Variants in STXBP6 observed in about 807,000 individuals in gnomAD.
STXBP6 encodes syntaxin-binding protein 6.
STXBP6 carries 21 observed loss-of-function variants against 26.9 expected under a neutral mutation model. The observed-to-expected ratio is 0.78, with a 90% confidence interval of 0.55 to 1.12. The LOEUF is 1.12. Ranked by LOEUF, STXBP6 falls within the 50% of genes most tolerant of loss-of-function variation. STXBP6 has a pLI of 0.00. For synonymous variants in STXBP6, 97 were observed against 92.6 expected (o/e 1.05, Z -0.27); for missense variants, 232 against 257.9 (o/e 0.90, Z 0.69).
intron 1 of STXBP6, among the ~76,000 whole-genome samples, chr14:24,999,293 A>G (rs1014930621): frequency 6.6e-6 from 1 of 152,214 alleles, no homozygotes; most frequent in African/African-American, 2.4e-5. Context: ...TAAAGAAGCC[A>G]GAAGGAAAAG....
At chr14:24,821,413 T>C (rs2068128778) in intron 4 of STXBP6, among the ~76,000 whole-genome samples, 1 of 152,226 alleles carries the variant, frequency 6.6e-6, no homozygotes, top group Non-Finnish European at 1.5e-5. Flanking sequence ...TTGCACGTGA[T>C]GTCAGGTAAC....
intron 2 of STXBP6, among the ~76,000 whole-genome samples, chr14:24,946,422 C>A (rs1352460146): frequency 6.6e-6 from 1 of 151,974 alleles, no homozygotes; most frequent in African/African-American, 2.4e-5. Flanking sequence ...AAACCAAAAG[C>A]AAGTGGTGGG....
At chr14:24,882,009 A>T (rs1364435764) in intron 2 of STXBP6, among the ~76,000 whole-genome samples, 2 of 152,026 alleles carry the variant, frequency 1.3e-5, no homozygotes, top group Admixed American at 1.3e-4. Context: ...TCACTATCAC[A>T]TCTTAACCTA....
chr14:24,883,711 TAGTC>T (rs1314406660), intron 2 of STXBP6, among the ~76,000 whole-genome samples: 1 of 152,128 alleles, frequency 6.6e-6, no homozygotes, highest in Non-Finnish European at 1.5e-5. Flanking sequence ...GGGCTGGAAT[TAGTC>T]AGTAGAGTTT....
chr14:24,870,452 A>C (rs895566420), intron 2 of STXBP6, among the ~76,000 whole-genome samples: 2 of 152,180 alleles, frequency 1.3e-5, no homozygotes, highest in Non-Finnish European at 2.9e-5. Context: ...CTATGTAATC[A>C]AGGTAATACA....
chr14:24,922,503 A>G (rs2072017856), intron 2 of STXBP6, among the ~76,000 whole-genome samples: 1 of 152,216 alleles, frequency 6.6e-6, no homozygotes, highest in Admixed American at 6.5e-5. Flanking sequence ...TCATCTCTGT[A>G]AAGATAACCT....
intron 1 of STXBP6, among the ~76,000 whole-genome samples, chr14:25,030,224 C>T (rs1026243834): frequency 2.0e-5 from 3 of 152,158 alleles, no homozygotes; most frequent in Middle Eastern, 3.2e-3. Context: ...GGTGACTAGG[C>T]CTAGCCCCCA....
chr14:24,878,142 A>G (rs1215398170), intron 2 of STXBP6, among the ~76,000 whole-genome samples: 1 of 152,018 alleles, frequency 6.6e-6, no homozygotes, highest in African/African-American at 2.4e-5. Context: ...TGATTTGAGT[A>G]TTCTCCCAGT....
chr14:25,042,365 G>A (rs1052281540), intron 1 of STXBP6, among the ~76,000 whole-genome samples: 2 of 152,196 alleles, frequency 1.3e-5, no homozygotes, highest in African/African-American at 4.8e-5. Context: ...AGCAGAGGCT[G>A]GTGAGGGCAA....
intron 2 of STXBP6, among the ~76,000 whole-genome samples, chr14:24,865,856 G>C (rs1216912061): frequency 1.3e-5 from 2 of 152,124 alleles, no homozygotes; most frequent in African/African-American, 4.8e-5. Context: ...TGGGAGAAAT[G>C]AAAGTGAACT....
chr14:24,944,842 G>GA (rs1322857645), intron 2 of STXBP6, among the ~76,000 whole-genome samples: 1 of 152,032 alleles, frequency 6.6e-6, no homozygotes, highest in Non-Finnish European at 1.5e-5. Context: ...TGAGCATGGG[G>GA]AGTTTGTTTG....
intron 4 of STXBP6, among the ~76,000 whole-genome samples, chr14:24,825,601 G>A (rs1421239936): frequency 6.6e-6 from 1 of 152,178 alleles, no homozygotes; most frequent in African/African-American, 2.4e-5. Flanking sequence ...TCTTCTTTTG[G>A]CATTGTGAAG....
intron 4 of STXBP6, 110 bp from the exon 5 acceptor site, chr14:24,819,304 G>T: frequency 7.8e-7 from 1 of 1,280,532 alleles, no homozygotes; most frequent in Non-Finnish European, 1.1e-6. Context: ...ACTGCAGAAA[G>T]GCCGCTCGTC....
intron 2 of STXBP6, among the ~76,000 whole-genome samples, chr14:24,940,095 G>C (rs999717440): frequency 3.9e-5 from 6 of 152,202 alleles, no homozygotes; most frequent in Non-Finnish European, 8.8e-5. Context: ...ATAAAGCTGA[G>C]AGAGCAATGT....
chr14:24,853,107 T>G (rs192111497), intron 4 of STXBP6, among the ~76,000 whole-genome samples: 2 of 152,234 alleles, frequency 1.3e-5, no homozygotes, highest in East Asian at 3.9e-4. Context: ...AAAACTATCC[T>G]ATTGCATGGT....
chr14:24,938,778 A>G (rs1348534587), intron 2 of STXBP6, among the ~76,000 whole-genome samples: 1 of 152,202 alleles, frequency 6.6e-6, no homozygotes, highest in East Asian at 1.9e-4. Context: ...CTAAGCTTTC[A>G]AGAGGATCTT....
At chr14:24,840,784 G>T (rs762512167) in intron 4 of STXBP6, among the ~76,000 whole-genome samples, 2 of 151,872 alleles carry the variant, frequency 1.3e-5, no homozygotes, top group Non-Finnish European at 2.9e-5. Context: ...AAGAAAAGAG[G>T]TGACTATCCT....
chr14:25,012,186 A>G (rs1228710015), intron 1 of STXBP6, among the ~76,000 whole-genome samples: 1 of 152,218 alleles, frequency 6.6e-6, no homozygotes, highest in Non-Finnish European at 1.5e-5. Context: ...TAAGGCCACA[A>G]GTGATTATAT....
intron 2 of STXBP6, among the ~76,000 whole-genome samples, chr14:24,957,807 A>G (rs1163327945): frequency 2.0e-5 from 3 of 152,196 alleles, no homozygotes; most frequent in Non-Finnish European, 2.9e-5. Flanking sequence ...AGTAGTAGAA[A>G]CAGGATTCAA....
Sources: gnomAD v4.1 joint callset for allele counts (sites outside exome capture counted in the v4.1 genomes callset) on GRCh38, gnomAD v4.1.1 for gene constraint, MANE v1.5 for transcripts, NCBI Gene and HGNC (gene_info 2026-07-23, HGNC 2026-07-21) for gene names.